GC: variants seen among roughly 807,000 people sequenced by gnomAD.
GC encodes the protein GC vitamin D binding protein, also known as vitamin D-binding protein.
GC carries 43 observed loss-of-function variants against 56.7 expected under a neutral mutation model. The ratio of observed to expected loss-of-function variants is 0.76; its 90% confidence interval spans 0.59 to 0.98. GC has a LOEUF of 0.98. GC is among the 50% of genes least tolerant of loss of function. GC has a pLI of 0.00. For synonymous variants in GC, 216 were observed against 202.7 expected (o/e 1.07, Z -0.56); for missense variants, 529 against 545.9 (o/e 0.97, Z 0.31).
intron 1 of GC, among the ~76,000 whole-genome samples, chr4:71,782,782 C>T (rs758238829): frequency 6.6e-6 from 1 of 151,754 alleles, no homozygotes; most frequent in Non-Finnish European, 1.5e-5. Flanking sequence ...TTTTCAGGAT[C>T]AGATCTGCCC....
chr4:71,787,762 T>C (rs190651276), upstream of GC, among the ~76,000 whole-genome samples: 26 of 151,958 alleles, frequency 1.7e-4, no homozygotes, highest in African/African-American at 5.3e-4. Context: ...CAGAGAGTGG[T>C]AATTGACTAG....
chr4:71,753,947 C>T (rs905922211), intron 10 of GC, among the ~76,000 whole-genome samples: 2 of 151,932 alleles, frequency 1.3e-5, no homozygotes, highest in South Asian at 2.1e-4. Flanking sequence ...AGATAGATTT[C>T]GTCATCTATA....
intron 6 of GC, among the ~76,000 whole-genome samples, chr4:71,761,741 C>T (rs1441161258): frequency 1.3e-5 from 2 of 152,156 alleles, no homozygotes; most frequent in African/African-American, 4.8e-5. Context: ...CAATGTAGAG[C>T]TTGGGGCATG....
chr4:71,760,035 A>T (rs960715725), intron 6 of GC, among the ~76,000 whole-genome samples: 1 of 141,254 alleles, frequency 7.1e-6, no homozygotes, highest in African/African-American at 2.5e-5. Flanking sequence ...ATATTTAAAG[A>T]AACTAGTTTT....
At chr4:71,805,145 A>G (rs1743334817), upstream of GC, among the ~76,000 whole-genome samples, 1 of 152,150 alleles carries the variant, frequency 6.6e-6, no homozygotes, top group African/African-American at 2.4e-5. Flanking sequence ...TATGGGAAAC[A>G]ACAGTTTGCA....
chr4:71,771,704 T>C (rs1742347604), intron 1 of GC, among the ~76,000 whole-genome samples: 2 of 152,198 alleles, frequency 1.3e-5, no homozygotes, highest in Admixed American at 6.6e-5. Flanking sequence ...TCTGAGAACC[T>C]TCACATCTTG....
At chr4:71,753,543 G>A (rs1237176323) in intron 10 of GC, among the ~76,000 whole-genome samples, 8 of 151,130 alleles carry the variant, frequency 5.3e-5, no homozygotes, top group Admixed American at 6.6e-5. Flanking sequence ...ATTTACTAAC[G>A]TTAGGAAAAA....
At chr4:71,761,979 A>G (rs62302164) in intron 6 of GC, among the ~76,000 whole-genome samples, 90 of 152,290 alleles carry the variant, frequency 5.9e-4, no homozygotes, top group Non-Finnish European at 1.0e-3. Context: ...CTCCAAATAG[A>G]GTCCCTACTG....
chr4:71,792,989 C>A (rs1468817814), intron 1 of GC, among the ~76,000 whole-genome samples: 8 of 152,072 alleles, frequency 5.3e-5, no homozygotes, highest in Non-Finnish European at 1.2e-4. Context: ...GGTGTTATTT[C>A]TGAGGCCTCT....
intron 12 of GC, among the ~76,000 whole-genome samples, chr4:71,744,298 A>C (rs1289829703): frequency 4.6e-5 from 7 of 150,838 alleles, no homozygotes; most frequent in Admixed American, 2.6e-4. Context: ...AAAAAAAAAA[A>C]AAAAACCCAA....
At position 71,758,115 on chromosome 4, in the gene GC, G is replaced by C. The variant is rs1741846556; in HGVS notation, c.758C>G (p.Pro253Arg). 6.2e-7 allele frequency: 1 copy of C among 1,612,886 alleles called. No individual in the cohort carries two copies. Among genetic ancestry groups the C allele is most frequent in the South Asian group, 1.1e-5 (1 of 91,032 alleles). ...VPTADLEDVL[P>R]LAEDITNILS... Reference sequence around the variant, plus strand: ...GATGTTAGTAATATCTTCAGCTAGTGGCAAAACATCCTCCAGATCAGCAGT... The same window carrying C: ...GATGTTAGTAATATCTTCAGCTAGTCGCAAAACATCCTCCAGATCAGCAGT... Residue 253 changes from proline to arginine, a missense_variant, in exon 7 of 13, where the codon CCA becomes CGA. Physicochemically the swap from Pro to Arg is moderately radical, Grantham distance 103. Transcript: ENST00000273951.
At chr4:71,743,081 C>T (rs1247945253) in intron 12 of GC, among the ~76,000 whole-genome samples, 3 of 152,204 alleles carry the variant, frequency 2.0e-5, no homozygotes, top group Middle Eastern at 3.4e-3. Flanking sequence ...AAAGATTGAT[C>T]AAGGAGACCA....
intron 6 of GC, among the ~76,000 whole-genome samples, chr4:71,761,795 G>A (rs753608853): frequency 2.0e-4 from 31 of 152,224 alleles, no homozygotes; most frequent in Non-Finnish European, 4.1e-4. Context: ...CTTTCATGTG[G>A]TGTTGAGCCT....
chr4:71,790,036 T>A (rs1229477306), intron 1 of GC, among the ~76,000 whole-genome samples: 1 of 152,020 alleles, frequency 6.6e-6, no homozygotes, highest in Non-Finnish European at 1.5e-5. Context: ...TTTTTGCTTC[T>A]TGAAATTTGA....
At chr4:71,762,474 G>T (rs553871174) in intron 6 of GC, among the ~76,000 whole-genome samples, 26 of 152,350 alleles carry the variant, frequency 1.7e-4, no homozygotes, top group African/African-American at 6.3e-4. Flanking sequence ...GCTGAAGTGA[G>T]TTAAGACTTT....
intron 1 of GC, among the ~76,000 whole-genome samples, chr4:71,775,242 G>C (rs566246003): frequency 6.6e-6 from 1 of 151,574 alleles, no homozygotes; most frequent in Non-Finnish European, 1.5e-5. Flanking sequence ...TTTCCATGAA[G>C]GTTCTTTCAG....
chr4:71,746,649 G>A (rs976128323), intron 11 of GC, among the ~76,000 whole-genome samples: 19 of 151,364 alleles, frequency 1.3e-4, no homozygotes, highest in African/African-American at 4.6e-4. Context: ...TGAGGTAAAA[G>A]CAAGTTTAAT....
At chr4:71,779,471 G>C (rs1418822494) in intron 1 of GC, among the ~76,000 whole-genome samples, 2 of 151,768 alleles carry the variant, frequency 1.3e-5, no homozygotes, top group Non-Finnish European at 2.9e-5. Flanking sequence ...GAATAGAGAA[G>C]AACTAATGCA....
chr4:71,763,495 T>A lies in GC; in HGVS notation c.614A>T (p.Gln205Leu). The A allele has an allele frequency of 1.3e-6, 2 of 1,585,154 alleles. No homozygotes were observed. Among genetic ancestry groups the A allele is most frequent in the Non-Finnish European group, 1.7e-6 (2 of 1,154,260 alleles). The change falls in exon 6 of 13, where the codon CAG becomes CTG. Residue 205 changes from glutamine to leucine, a missense_variant. Physicochemically the swap from Gln to Leu is moderately radical, Grantham distance 113. Transcript: ENST00000273951. ...PTVCFLKERL[Q>L]LKHLSLLTTL... ...GGTGAGAAGTGATAAATGTTTAAGC[T>A]GGAGTCTCTAGAAAACAAGTGAAAG... is the stretch of plus-strand genomic sequence containing the variant.
Sources: allele counts gnomAD v4.1 joint callset (sites outside exome capture counted in the v4.1 genomes callset), GRCh38; gene constraint gnomAD v4.1.1; transcripts MANE v1.5; gene names NCBI Gene and HGNC (gene_info 2026-07-23, HGNC 2026-07-21).